Variants in PTPRN2 observed in about 807,000 individuals in gnomAD.
The protein encoded by PTPRN2 is receptor-type tyrosine-protein phosphatase N2.
Under a neutral mutation model 118.8 loss-of-function variants are expected in PTPRN2, and 74 were observed. The ratio of observed to expected loss-of-function variants is 0.62; its 90% confidence interval spans 0.52 to 0.76. The LOEUF (loss-of-function observed/expected upper bound fraction) is 0.76. Among genes scored for constraint, PTPRN2 ranks in the 30% least tolerant of loss-of-function variants. The pLI, the probability that PTPRN2 is intolerant of heterozygous loss-of-function variation, is 0.00. For missense variants in PTPRN2, 1,481 were observed against 1,394.4 expected, an observed-to-expected ratio of 1.06 and a Z score of -0.99; for synonymous variants, 641 against 608.0, an observed-to-expected ratio of 1.05 and a Z score of -0.80.
chr7:157,592,099 C>T (rs1373487199), intron 17 of PTPRN2, among the ~76,000 whole-genome samples: 2 of 152,196 alleles, frequency 1.3e-5, no homozygotes, highest in Non-Finnish European at 2.9e-5. Context: ...TCAAAATTAT[C>T]TTGCATTTCA....
At chr7:158,446,690 T>A (rs1265658695) in intron 2 of PTPRN2, among the ~76,000 whole-genome samples, 1 of 152,176 alleles carries the variant, frequency 6.6e-6, no homozygotes, top group Admixed American at 6.5e-5. Context: ...AGCAGTAAGT[T>A]TTGTTGTTTG....
At chr7:157,718,109 T>C (rs2150906835) in intron 12 of PTPRN2, among the ~76,000 whole-genome samples, 1 of 152,338 alleles carries the variant, frequency 6.6e-6, no homozygotes, top group Admixed American at 6.5e-5. Flanking sequence ...TAATCTCTCC[T>C]AAACCATTAT....
intron 1 of PTPRN2, among the ~76,000 whole-genome samples, chr7:158,548,922 C>T (rs1319581509): frequency 1.3e-5 from 2 of 152,292 alleles, no homozygotes; most frequent in South Asian, 2.1e-4. Flanking sequence ...AAAGACCTTC[C>T]GGGACCTGCC....
intron 11 of PTPRN2, among the ~76,000 whole-genome samples, chr7:157,924,007 G>C (rs1798831403): frequency 6.6e-6 from 1 of 152,184 alleles, no homozygotes; most frequent in Admixed American, 6.5e-5. Context: ...GGATACCGCT[G>C]TTTGGGAGAC....
intron 12 of PTPRN2, among the ~76,000 whole-genome samples, chr7:157,825,352 G>T (rs181278242): frequency 1.3e-5 from 2 of 152,176 alleles, no homozygotes; most frequent in Non-Finnish European, 2.9e-5. Flanking sequence ...GGCTGGAGCG[G>T]CAGGAGTAGA....
chr7:158,228,457 C>T (rs961756834), intron 3 of PTPRN2, among the ~76,000 whole-genome samples: 1 of 152,016 alleles, frequency 6.6e-6, no homozygotes, highest in Non-Finnish European at 1.5e-5. Context: ...ATTTCATATT[C>T]CACTACACCT....
chr7:157,592,459 A>C (rs1039006746), intron 17 of PTPRN2, among the ~76,000 whole-genome samples: 1 of 151,520 alleles, frequency 6.6e-6, no homozygotes, highest in Non-Finnish European at 1.5e-5. Flanking sequence ...GAGAGCCTTC[A>C]CACAGGATGG....
intron 11 of PTPRN2, among the ~76,000 whole-genome samples, chr7:158,025,066 G>A (rs572612406): frequency 4.6e-5 from 7 of 152,202 alleles, no homozygotes; most frequent in African/African-American, 1.4e-4. Flanking sequence ...CAGGTGCCCC[G>A]AGGAAAGCAG....
At chr7:157,839,249 T>G (rs548941217) in intron 12 of PTPRN2, among the ~76,000 whole-genome samples, 1 of 152,386 alleles carries the variant, frequency 6.6e-6, no homozygotes, top group South Asian at 2.1e-4. Context: ...CGTATGTGTA[T>G]CTGAGTGTGT....
chr7:157,559,233 C>T (rs1313627894), intron 21 of PTPRN2, among the ~76,000 whole-genome samples: 1 of 152,244 alleles, frequency 6.6e-6, no homozygotes, highest in African/African-American at 2.4e-5. Flanking sequence ...GCCTGGACTT[C>T]AGGCGCTAGG....
rs866467904 is a variant in PTPRN2, at chr7:157,666,794, C to T, written c.2002-10243G>A. On this transcript the variant is annotated intron_variant, in intron 13 of 22. Coordinates refer to ENST00000389418, the MANE Select transcript of PTPRN2 (RefSeq NM_002847.5). ...GAGTACAAGGCCTGGCTTGCAGACT[C>T]GGCCCGTGTGACACTGATCTCAGGT... Among the ~76,000 whole-genome samples the T allele has an allele frequency of 8.5e-4, 129 of 152,328 alleles. No individual in the cohort carries two copies. In the Middle Eastern group the frequency reaches 0.01, roughly 12 times the overall value.
chr7:158,156,759 C>T (rs922087543), intron 6 of PTPRN2, among the ~76,000 whole-genome samples: 3 of 152,280 alleles, frequency 2.0e-5, no homozygotes, highest in Admixed American at 6.5e-5. Flanking sequence ...CCTGTGCCCT[C>T]AGAGCGGAAG....
At chr7:158,151,975 C>T (rs552623770) in intron 6 of PTPRN2, among the ~76,000 whole-genome samples, 16 of 152,156 alleles carry the variant, frequency 1.1e-4, no homozygotes, top group African/African-American at 3.4e-4. Context: ...AGATCAAGAC[C>T]ATCCTGGCTA....
chr7:158,480,315 G>A (rs1482133989), intron 2 of PTPRN2, among the ~76,000 whole-genome samples: 1 of 152,158 alleles, frequency 6.6e-6, no homozygotes, highest in African/African-American at 2.4e-5. Context: ...GGGGCACCAT[G>A]AACCGTGCCC....
At chr7:158,049,771 C>G (rs139802620) in intron 11 of PTPRN2, among the ~76,000 whole-genome samples, 1 of 152,042 alleles carries the variant, frequency 6.6e-6, no homozygotes, top group Non-Finnish European at 1.5e-5. Context: ...GGCGTGGTGG[C>G]GGGCACCTAT....
intron 5 of PTPRN2, among the ~76,000 whole-genome samples, chr7:158,188,869 G>A (rs1218512887): frequency 6.6e-6 from 1 of 152,188 alleles, no homozygotes; most frequent in East Asian, 1.9e-4. Flanking sequence ...AAAGACTTCA[G>A]TAAATACAAC....
At chr7:158,371,957 C>A (rs543215367) in intron 2 of PTPRN2, among the ~76,000 whole-genome samples, 1 of 152,236 alleles carries the variant, frequency 6.6e-6, no homozygotes, top group South Asian at 2.1e-4. Flanking sequence ...CAGCGTCCGT[C>A]GTGGCCCCGG....
chr7:158,391,312 C>G (rs1181451955), intron 2 of PTPRN2, among the ~76,000 whole-genome samples: 1 of 152,216 alleles, frequency 6.6e-6, no homozygotes, highest in Non-Finnish European at 1.5e-5. Flanking sequence ...CCAGGCGCCA[C>G]CCTCCCTTGT....
At chr7:157,960,045 G>A (rs1485701832) in intron 11 of PTPRN2, among the ~76,000 whole-genome samples, 1 of 152,012 alleles carries the variant, frequency 6.6e-6, no homozygotes, top group African/African-American at 2.4e-5. Flanking sequence ...GGTAAACCTT[G>A]AGGATATTAT....
Sources: allele counts gnomAD v4.1 joint callset (sites outside exome capture counted in the v4.1 genomes callset), GRCh38; gene constraint gnomAD v4.1.1; transcripts MANE v1.5; gene names NCBI Gene and HGNC (gene_info 2026-07-23, HGNC 2026-07-21).